Variants in ATP8B1 observed in about 807,000 individuals in gnomAD.
ATP8B1 encodes the protein phospholipid-transporting ATPase IC.
In ATP8B1, 80 loss-of-function variants were observed where a neutral mutation model predicts 149.9. The observed-to-expected ratio is 0.53, with a 90% CI of 0.45 to 0.64. The LOEUF is 0.64. Ranked by LOEUF, ATP8B1 falls within the 30% of genes least tolerant of loss-of-function variation. The pLI, the probability that ATP8B1 is intolerant of heterozygous loss-of-function variation, is 0.00. For missense variants in ATP8B1, 1,247 were observed against 1,552.6 expected (o/e 0.80, Z 3.31); for synonymous variants, 536 against 562.8 (o/e 0.95, Z 0.67).
At chr18:57,796,574 T>C (rs909829996) in intron 1 of ATP8B1, among the ~76,000 whole-genome samples, 4 of 152,172 alleles carry the variant, frequency 2.6e-5, no homozygotes, top group Admixed American at 2.6e-4. Context: ...TTTTTCAATA[T>C]AAAGATAGGG....
At chr18:57,781,866 T>A (rs927416539) in intron 1 of ATP8B1, among the ~76,000 whole-genome samples, 3 of 152,168 alleles carry the variant, frequency 2.0e-5, no homozygotes, top group African/African-American at 4.8e-5. Flanking sequence ...ACACCTGTAG[T>A]CCTAGCCACT....
At chr18:57,747,939 T>C (rs1355991561) in intron 1 of ATP8B1, among the ~76,000 whole-genome samples, 1 of 152,242 alleles carries the variant, frequency 6.6e-6, no homozygotes, top group Non-Finnish European at 1.5e-5. Context: ...TAATATTTTA[T>C]AGGTCCCTTG....
intron 18 of ATP8B1, chr18:57,669,103 C>G (rs894588090): frequency 4.9e-6 from 2 of 408,804 alleles, no homozygotes; most frequent in South Asian, 6.7e-5. Context: ...AGAACTTCTC[C>G]TAATGTATTT....
intron 1 of ATP8B1, chr18:57,734,155 A>G (rs1272071978): frequency 1.3e-5 from 2 of 152,138 alleles, no homozygotes; most frequent in African/African-American, 4.8e-5. Context: ...ACACTTGTTC[A>G]TTTTCCAAAA....
rs1462071783 is a variant in ATP8B1 at position 57,647,276 on chromosome 18, C to T, written c.*1212G>A. Reference sequence around the variant, plus strand: ...TCAAATCATTTGGTACTATGGGAAGCTGCTAAAATAATATTTGATAGTAAA... The same window carrying T: ...TCAAATCATTTGGTACTATGGGAAGTTGCTAAAATAATATTTGATAGTAAA... On this transcript the variant is annotated 3_prime_UTR_variant, in exon 28 of 28. Transcript: ENST00000648908. 2 of 152,102 alleles carry T rather than the reference C, an allele frequency of 1.3e-5. No homozygotes were observed. Among genetic ancestry groups the T allele is most frequent in the Non-Finnish European group, 2.9e-5 (2 of 68,038 alleles). The allele number at this position is 152,102 out of a possible 1,614,324, so 9.4% of individuals were successfully genotyped here.
chr18:57,719,708 T>C (rs1357872858), intron 2 of ATP8B1, among the ~76,000 whole-genome samples: 1 of 152,200 alleles, frequency 6.6e-6, no homozygotes, highest in African/African-American at 2.4e-5. Flanking sequence ...TGCCCAGGCT[T>C]GCTTAGGTAA....
At chr18:57,788,759 C>T (rs1482125638) in intron 1 of ATP8B1, among the ~76,000 whole-genome samples, 1 of 152,092 alleles carries the variant, frequency 6.6e-6, no homozygotes, top group Admixed American at 6.6e-5. Flanking sequence ...CTATAAAGTG[C>T]TTTAAAAATG....
intron 15 of ATP8B1, among the ~76,000 whole-genome samples, chr18:57,680,370 G>C (rs1046415595): frequency 2.0e-5 from 3 of 148,840 alleles, no homozygotes; most frequent in Non-Finnish European, 3.0e-5. Context: ...AGGATTACTT[G>C]AGGTCGGGAG....
chr18:57,711,018 C>T (rs2123003808), intron 2 of ATP8B1, among the ~76,000 whole-genome samples: 1 of 152,212 alleles, frequency 6.6e-6, no homozygotes, highest in Non-Finnish European at 1.5e-5. Flanking sequence ...AGTTTTTATC[C>T]TATAATAGCA....
At chr18:57,772,509 G>GGAGACTGGAAAGCAGACTGAGGC (rs1175070443) in intron 1 of ATP8B1, among the ~76,000 whole-genome samples, 2 of 152,174 alleles carry the variant, frequency 1.3e-5, no homozygotes, top group Non-Finnish European at 1.5e-5. Flanking sequence ...AGTTGGAAGA[G>GGAGACTGGAAAGCAGACTGAGGC]GAGACTGGAA....
In ATP8B1 at chr18:57,647,245, A is replaced by G. The variant is rs571338678; in HGVS notation, c.*1243T>C. ...TTTATATGCTTTAAAAAATGAGAGTAGGGAATCAAATCATTTGGTACTATG... is the reference window on the plus strand; with the variant it reads ...TTTATATGCTTTAAAAAATGAGAGTGGGGAATCAAATCATTTGGTACTATG... On this transcript the variant is annotated 3_prime_UTR_variant, in exon 28 of 28. Transcript: ENST00000648908. The G allele has an allele frequency of 3.9e-5, 6 of 152,350 alleles. No homozygotes were observed. The South Asian group carries it at 1.0e-3, about 26-fold the overall frequency. 9.4% of individuals were successfully genotyped at this position (152,350 alleles called of 1,614,324 possible).
Position 57,751,931 on chromosome 18 carries a change from C to T in ATP8B1, c.-25-20099G>A, listed in dbSNP as rs186918040. Among the ~76,000 whole-genome samples the T allele has an allele frequency of 4.6e-5, 7 of 152,256 alleles. No homozygotes were observed. The East Asian group carries it at 1.3e-3, about 29-fold the overall frequency. Reference sequence around the variant, plus strand: ...TAAAAATCCAAAGGTGCAGGCAAGGCATGGTGGCTCATGCCTATAATCCCA... The same window carrying T: ...TAAAAATCCAAAGGTGCAGGCAAGGTATGGTGGCTCATGCCTATAATCCCA... On this transcript the variant is annotated intron_variant, in intron 1 of 27. Transcript: ENST00000648908.
rs150489817 is a variant in ATP8B1, at chr18:57,759,570, G to A, written c.-25-27738C>T. ...CACGCCTGTAATCCCAGCACTTCGG[G>A]AGGCTGAGGCGGGCGGATCACGAGG... On this transcript the variant is annotated intron_variant, in intron 1 of 27. Coordinates refer to ENST00000648908, the MANE Select transcript of ATP8B1 (RefSeq NM_001374385.1). 8.3e-3 allele frequency among the ~76,000 whole-genome samples: 1,269 copies of A among 152,264 alleles called. 22 individuals are homozygous for A. The East Asian group carries it at 0.086, about 10-fold the overall frequency.
intron 21 of ATP8B1, 51 bp downstream of exon 21, chr18:57,662,432 A>C (rs890578999): frequency 1.2e-6 from 2 of 1,611,046 alleles, no homozygotes; most frequent in Non-Finnish European, 8.5e-7. Context: ...GTGGCTCCAA[A>C]TGAACTTCTT....
At chr18:57,672,737 A>C (rs1911279206) in intron 16 of ATP8B1, among the ~76,000 whole-genome samples, 1 of 150,752 alleles carries the variant, frequency 6.6e-6, no homozygotes, top group South Asian at 2.1e-4. Context: ...ATGGTGGCAC[A>C]TGCCTGTAAT....
intron 1 of ATP8B1, among the ~76,000 whole-genome samples, chr18:57,772,062 A>G (rs991005943): frequency 1.3e-5 from 2 of 152,238 alleles, no homozygotes; most frequent in African/African-American, 4.8e-5. Context: ...ACAAAACAAA[A>G]ACAAAAACTT....
intron 1 of ATP8B1, among the ~76,000 whole-genome samples, chr18:57,782,803 C>T (rs1474783904): frequency 1.0e-3 from 95 of 91,104 alleles, no homozygotes; most frequent in South Asian, 2.3e-3. Flanking sequence ...TAGTTTGTCT[C>T]TTTTTTTTTT....
At chr18:57,654,843 C>T (rs1003299167) in intron 23 of ATP8B1, among the ~76,000 whole-genome samples, 3 of 151,680 alleles carry the variant, frequency 2.0e-5, no homozygotes, top group East Asian at 1.9e-4. Context: ...CCTGCCACCA[C>T]ACCCGGAAAA....
chr18:57,768,538 CAT>C (rs1379732721), intron 1 of ATP8B1, among the ~76,000 whole-genome samples: 1 of 128,156 alleles, frequency 7.8e-6, no homozygotes, highest in East Asian at 2.3e-4. Context: ...GGGAGGAAAA[CAT>C]AGTCCAGATT....
Sources: gnomAD v4.1 joint callset for allele counts (sites outside exome capture counted in the v4.1 genomes callset) on GRCh38, gnomAD v4.1.1 for gene constraint, MANE v1.5 for transcripts, NCBI Gene and HGNC (gene_info 2026-07-23, HGNC 2026-07-21) for gene names.